QTMAN: variants seen among roughly 807,000 people sequenced by gnomAD.
QTMAN encodes queuosine-tRNA mannosyltransferase.
At chr2:144,093,531 C>T in the QTMAN span, among the ~76,000 whole-genome samples, 52 of 152,278 alleles carry the variant, frequency 3.4e-4, no homozygotes, top group East Asian at 8.9e-3. Flanking sequence ...ACAAATCATA[C>T]GACTGTATTA....
At chr2:144,164,539 T>C in the QTMAN span, among the ~76,000 whole-genome samples, 1 of 152,198 alleles carries the variant, frequency 6.6e-6, no homozygotes, top group African/African-American at 2.4e-5. Context: ...TCATACAAAA[T>C]GTTACTTATC....
At chr2:144,183,635 G>C in the QTMAN span, among the ~76,000 whole-genome samples, 2 of 151,958 alleles carry the variant, frequency 1.3e-5, no homozygotes, top group African/African-American at 4.8e-5. Context: ...AAATCTATAG[G>C]GCTGAATTTT....
At chr2:144,283,774 G>GA in the QTMAN span, among the ~76,000 whole-genome samples, 6 of 151,802 alleles carry the variant, frequency 4.0e-5, no homozygotes, top group Non-Finnish European at 5.9e-5. Flanking sequence ...AAAAGATGAA[G>GA]AAAACTAAGT....
the QTMAN span, among the ~76,000 whole-genome samples, chr2:144,277,211 T>G: frequency 6.7e-6 from 1 of 149,472 alleles, no homozygotes; most frequent in Non-Finnish European, 1.5e-5. Flanking sequence ...TATTTTTACT[T>G]TTTTTAATGT....
chr2:144,199,437 T>C, the QTMAN span, among the ~76,000 whole-genome samples: 1 of 152,212 alleles, frequency 6.6e-6, no homozygotes, highest in African/African-American at 2.4e-5. Flanking sequence ...GTATATAGTA[T>C]ACATACATGT....
chr2:143,981,226 AG>A, the QTMAN span, among the ~76,000 whole-genome samples: 22 of 152,354 alleles, frequency 1.4e-4, no homozygotes, highest in African/African-American at 5.1e-4. Flanking sequence ...AGAAGTTGGC[AG>A]GTATTCAAAA....
At chr2:144,042,330 G>A in the QTMAN span, among the ~76,000 whole-genome samples, 33 of 152,246 alleles carry the variant, frequency 2.2e-4, no homozygotes, top group East Asian at 6.2e-3. Flanking sequence ...TGTCAATTAA[G>A]AGAGCTTGAA....
the QTMAN span, among the ~76,000 whole-genome samples, chr2:143,957,546 C>T: frequency 9.2e-5 from 14 of 151,992 alleles, no homozygotes; most frequent in Non-Finnish European, 1.6e-4. Context: ...AAAGGCCCGC[C>T]TCGCCACCCT....
the QTMAN span, chr2:144,141,813 A>G: frequency 8.4e-7 from 1 of 1,188,936 alleles, no homozygotes; most frequent in Non-Finnish European, 1.2e-6. Flanking sequence ...GGCATGAAGA[A>G]CATCAATTTT....
chr2:144,156,584 A>G, the QTMAN span, among the ~76,000 whole-genome samples: 1 of 152,088 alleles, frequency 6.6e-6, no homozygotes, highest in Admixed American at 6.6e-5. Context: ...CCCATATATC[A>G]CAGAGGGGAA....
At chr2:144,306,436 TGA>T in the QTMAN span, among the ~76,000 whole-genome samples, 5 of 152,218 alleles carry the variant, frequency 3.3e-5, no homozygotes, top group African/African-American at 4.8e-5. Flanking sequence ...AGTTAGCTGG[TGA>T]GGGCCTTCTT....
the QTMAN span, among the ~76,000 whole-genome samples, chr2:144,320,404 G>A: frequency 2.0e-5 from 3 of 152,190 alleles, no homozygotes; most frequent in Non-Finnish European, 4.4e-5. Context: ...ATGTTTCCCT[G>A]TCTTACTTCT....
the QTMAN span, among the ~76,000 whole-genome samples, chr2:143,993,417 G>A: frequency 6.6e-6 from 1 of 151,726 alleles, no homozygotes; most frequent in Admixed American, 6.6e-5. Context: ...AAAAAAAAAG[G>A]GGGGGGGACT....
chr2:144,182,879 A>C, the QTMAN span, among the ~76,000 whole-genome samples: 1 of 80,734 alleles, frequency 1.2e-5, no homozygotes, highest in Non-Finnish European at 2.2e-5. Flanking sequence ...TATATTATAT[A>C]TATATTTTAT....
the QTMAN span, among the ~76,000 whole-genome samples, chr2:144,152,099 T>A: frequency 6.6e-6 from 1 of 152,236 alleles, no homozygotes; most frequent in South Asian, 2.1e-4. Flanking sequence ...TGTCTCATCA[T>A]GTGGCATCAA....
chr2:144,298,244 T>C, the QTMAN span, among the ~76,000 whole-genome samples: 1 of 152,030 alleles, frequency 6.6e-6, no homozygotes, highest in Non-Finnish European at 1.5e-5. Flanking sequence ...GGTCTCGATC[T>C]CCTGACCTCA....
the QTMAN span, among the ~76,000 whole-genome samples, chr2:144,066,227 T>C: frequency 1.3e-5 from 2 of 152,236 alleles, no homozygotes; most frequent in East Asian, 1.9e-4. Flanking sequence ...GGGGAAGTGT[T>C]TGGTACTTCC....
the QTMAN span, among the ~76,000 whole-genome samples, chr2:144,054,868 C>A: frequency 6.6e-6 from 1 of 152,152 alleles, no homozygotes; most frequent in South Asian, 2.1e-4. Flanking sequence ...CTTTCATTAG[C>A]TCCTAATGTT....
At chr2:144,055,310 AACAC>A in the QTMAN span, among the ~76,000 whole-genome samples, 7 of 147,168 alleles carry the variant, frequency 4.8e-5, no homozygotes, top group East Asian at 1.4e-3. Flanking sequence ...CCTGAAATGG[AACAC>A]ACACACACAC....
Sources: allele counts gnomAD v4.1 joint callset (sites outside exome capture counted in the v4.1 genomes callset), GRCh38; gene constraint gnomAD v4.1.1; transcripts MANE v1.5; gene names NCBI Gene and HGNC (gene_info 2026-07-23, HGNC 2026-07-21).